Variants in SPTBN4 observed in about 807,000 individuals in gnomAD.
SPTBN4 encodes spectrin beta chain, non-erythrocytic 4.
SPTBN4 carries 96 observed loss-of-function variants against 277.8 expected under a neutral mutation model. The ratio of observed to expected loss-of-function variants is 0.35; its 90% confidence interval spans 0.29 to 0.41. SPTBN4 has a LOEUF of 0.41. Ranked by LOEUF, SPTBN4 falls within the 10% of genes least tolerant of loss-of-function variation. The probability of loss-of-function intolerance (pLI) is 1.00; values close to 1 mark genes in which losing one functional copy is unlikely to be tolerated. For missense variants in SPTBN4, 3,006 were observed against 3,595.7 expected (o/e 0.84, Z 4.19); for synonymous variants, 1,481 against 1,580.3 (o/e 0.94, Z 1.49).
At chr19:40,509,099 T>G (rs1414269924) in intron 13 of SPTBN4, among the ~76,000 whole-genome samples, 1 of 150,298 alleles carries the variant, frequency 6.7e-6, no homozygotes, top group Non-Finnish European at 1.5e-5. Context: ...TTTTTTTTTT[T>G]TTTTTAGACA....
In SPTBN4 at chr19:40,544,365, A is replaced by G. The variant is rs542412552; in HGVS notation, c.4360-4824A>G. Among the ~76,000 whole-genome samples the G allele has an allele frequency of 2.8e-5, 4 of 140,374 alleles. No homozygotes were observed. In the East Asian group the frequency reaches 6.2e-4, roughly 22 times the overall value. The allele number at this position is 140,374 out of a possible 152,430, so 92.1% of individuals were successfully genotyped here. On this transcript the variant is annotated intron_variant, in intron 20 of 35. Transcript: ENST00000598249. Reference sequence around the variant, plus strand: ...CACCATGTTGGCCAGCATGGTGTCTATCTCTTGACCTCGTGATCCGCCCGC... The same window carrying G: ...CACCATGTTGGCCAGCATGGTGTCTGTCTCTTGACCTCGTGATCCGCCCGC...
intron 26 of SPTBN4, among the ~76,000 whole-genome samples, chr19:40,558,208 A>C (rs1367654368): frequency 1.3e-5 from 2 of 151,204 alleles, no homozygotes; most frequent in Non-Finnish European, 2.9e-5. Flanking sequence ...AAATACAAAA[A>C]TTAGCAGGAA....
chr19:40,554,611 G>T lies in SPTBN4; in HGVS notation c.5049G>T (p.Gln1683His). Residue 1683 changes from glutamine (Q) to histidine (H), a missense_variant, in exon 24 of 36, where the codon CAG becomes CAT. Around this residue, in one of 5 missense-constraint regions of SPTBN4, gnomAD observed 425 missense variants for 594.7 expected, o/e 0.71. Coordinates refer to ENST00000598249, the MANE Select transcript of SPTBN4 (RefSeq NM_020971.3). This position sits in a 1 kb window ranked among gnomAD's most constrained non-coding sequence, Gnocchi z 5.7. The stretch of plus-strand genomic sequence containing the variant: ...AAAGCATCGCGCAGCTGTCGCGCCA[G>T]TGCCGGGCGCTGCTGGAGATGGGGC... ...YEESIAQLSR[Q>H]CRALLEMGHP... The T allele has an allele frequency of 6.4e-7, 1 of 1,573,956 alleles. No homozygotes were observed. The highest frequency in any genetic ancestry group is 8.6e-7 in the Non-Finnish European group (1 of 1,159,746).
intron 20 of SPTBN4, among the ~76,000 whole-genome samples, chr19:40,548,489 T>C (rs1483788273): frequency 6.6e-6 from 1 of 151,036 alleles, no homozygotes; most frequent in African/African-American, 2.4e-5. Context: ...CCAGGCTGAT[T>C]TGTTCATCCT....
intron 27 of SPTBN4, among the ~76,000 whole-genome samples, chr19:40,562,759 A>G (rs1029576482): frequency 9.9e-5 from 15 of 150,800 alleles, no homozygotes; most frequent in Non-Finnish European, 2.1e-4. Flanking sequence ...GCTTGAACCC[A>G]GGAGGCGGAG....
At chr19:40,567,604 C>A (rs1233660825) in intron 30 of SPTBN4, 59 bp from the exon 31 acceptor site, 66 of 1,066,514 alleles carry the variant, frequency 6.2e-5, no homozygotes, top group Non-Finnish European at 7.5e-5. Flanking sequence ...CCCCGGACCT[C>A]CCCCTTACCC....
rs1411115333 is a variant in SPTBN4, at chr19:40,512,823, A to G, written c.2034A>G (p.Ala678=). Residue 678 remains alanine, a synonymous_variant, in exon 14 of 36, where the codon GCA becomes GCG. Coordinates refer to ENST00000598249, the MANE Select transcript of SPTBN4 (RefSeq NM_020971.3). ...CGGGCGGCGGCGGTGCGGCGGGCGC[A>G]GCGGGCGCAGCGGGAACAGCGGGCG... The part of the protein sequence containing the change: ...EAAGGGGAAG[A]AGAAGTAGGA... 16 of 1,446,316 alleles carry G rather than the reference A, an allele frequency of 1.1e-5. No individual in the cohort carries two copies. Among genetic ancestry groups the G allele is most frequent in the Admixed American group, 2.9e-5 (1 of 34,610 alleles). 89.6% of individuals were successfully genotyped at this position (1,446,316 alleles called of 1,614,324 possible). A position where few individuals can be genotyped will look rare whatever the true frequency, so the allele number is the denominator to read the frequency against.
chr19:40,568,293 C>T lies in SPTBN4; in HGVS notation c.6956+11C>T. 6.3e-7 allele frequency: 1 copy of T among 1,591,390 alleles called. No homozygotes were observed. Reference sequence around the variant, plus strand: ...AGACCTGGTCAAGGGGTGAGGTGCCCGCCTTATGACCAGAAAGTGAGGGGA... The same window carrying T: ...AGACCTGGTCAAGGGGTGAGGTGCCTGCCTTATGACCAGAAAGTGAGGGGA... On this transcript the variant is annotated intron_variant, in intron 31 of 35. Transcript: ENST00000598249.
chr19:40,530,574 C>A, intron 18 of SPTBN4: 1 of 980,714 alleles, frequency 1.0e-6, no homozygotes, highest in Non-Finnish European at 1.2e-6. Context: ...GCCCCGCCAA[C>A]GCCACTGCCG....
At chr19:40,506,814 C>A (rs1214843042) in intron 13 of SPTBN4, among the ~76,000 whole-genome samples, 1 of 151,792 alleles carries the variant, frequency 6.6e-6, no homozygotes, top group Non-Finnish European at 1.5e-5. Context: ...ATCATCTGTA[C>A]CAAAATAAAT....
chr19:40,530,602 G>A (rs1232024002), intron 18 of SPTBN4: 13 of 977,740 alleles, frequency 1.3e-5, no homozygotes, highest in Admixed American at 6.3e-5. Flanking sequence ...TCTCGGGGGC[G>A]CCCAGGGGAG....
At chr19:40,561,682 C>T (rs1227367876) in intron 27 of SPTBN4, among the ~76,000 whole-genome samples, 1 of 151,896 alleles carries the variant, frequency 6.6e-6, no homozygotes, top group Admixed American at 6.6e-5. Flanking sequence ...ATTAGCCAGG[C>T]ATAGTGGTGG....
intron 22 of SPTBN4, among the ~76,000 whole-genome samples, chr19:40,553,338 A>C (rs1274010566): frequency 6.6e-6 from 1 of 152,078 alleles, no homozygotes; most frequent in African/African-American, 2.4e-5. Flanking sequence ...TTAAAATAGC[A>C]GGGCATGGTG....
At position 40,567,865 on chromosome 19, in the gene SPTBN4, G is replaced by C; in HGVS notation, c.6539G>C (p.Arg2180Pro). Reference protein sequence around the residue: ...AEVRTRVGYVRQELKPERLQP... With the variant: ...AEVRTRVGYVPQELKPERLQP... Reference sequence around the variant, plus strand: ...GTGCGGACTCGGGTGGGGTATGTGCGCCAGGAGCTCAAGCCCGAGCGCCTC... The same window carrying C: ...GTGCGGACTCGGGTGGGGTATGTGCCCCAGGAGCTCAAGCCCGAGCGCCTC... Residue 2180 changes from arginine (R) to proline (P), a missense_variant, in exon 31 of 36, where the codon CGC (arginine) becomes CCC (proline). By Grantham distance (103) the Arg-to-Pro change is moderately radical. This residue lies in a region of SPTBN4 where 630 missense variants were observed against 677.6 expected (regional missense o/e 0.93). Transcript: ENST00000598249. 6.6e-7 allele frequency: 1 copy of C among 1,525,694 alleles called. No individual in the cohort carries two copies. Among genetic ancestry groups the C allele is most frequent in the South Asian group, 1.2e-5 (1 of 82,154 alleles). The allele number at this position is 1,525,694 out of a possible 1,614,324, so 94.5% of individuals were successfully genotyped here.
rs754267339 is a variant in SPTBN4 at position 40,504,144 on chromosome 19, G to C, written c.1665+12G>C. On this transcript the variant is annotated intron_variant, in intron 12 of 35. Transcript: ENST00000598249. The stretch of plus-strand genomic sequence containing the variant: ...TGGAGGAGATGCAGGTGCCGGCGGG[G>C]GGGCGGGGATGCGGGTGGAGTGCCA... 8.9e-6 allele frequency: 11 copies of C among 1,240,956 alleles called. No homozygotes were observed. The Admixed American group carries it at 1.1e-4, about 12-fold the overall frequency. 76.9% of individuals were successfully genotyped at this position (1,240,956 alleles called of 1,614,324 possible). A position where few individuals can be genotyped will look rare whatever the true frequency, so the allele number is the denominator to read the frequency against.
intron 20 of SPTBN4, among the ~76,000 whole-genome samples, chr19:40,538,982 C>G (rs932616309): frequency 6.6e-6 from 1 of 152,170 alleles, no homozygotes; most frequent in African/African-American, 2.4e-5. Context: ...CACATGGAAG[C>G]CAGAGGACAG....
Position 40,575,603 on chromosome 19 carries a change from C to G in SPTBN4, c.*34C>G. On this transcript the variant is annotated 3_prime_UTR_variant, in exon 36 of 36. Coordinates refer to ENST00000598249, the MANE Select transcript of SPTBN4 (RefSeq NM_020971.3). ...CCCCAGGACCTGACACATCTCGTCT[C>G]CCCTCTTTTCCGCACTGTGGGCACA... 2 of 1,585,788 alleles carry G rather than the reference C, an allele frequency of 1.3e-6. No individual in the cohort carries two copies. The highest frequency in any genetic ancestry group is 1.3e-5 in the African/African-American group (1 of 74,560).
chr19:40,539,729 C>T (rs1013966295), intron 20 of SPTBN4, among the ~76,000 whole-genome samples: 11 of 151,760 alleles, frequency 7.2e-5, no homozygotes, highest in Non-Finnish European at 1.3e-4. Context: ...ATCCACCCAC[C>T]TCCGCCTCCC....
At chr19:40,558,050 G>C (rs1015968212) in intron 26 of SPTBN4, among the ~76,000 whole-genome samples, 1 of 152,018 alleles carries the variant, frequency 6.6e-6, no homozygotes, top group Non-Finnish European at 1.5e-5. Context: ...TTTGGCTGTG[G>C]TGTAGATAGA....
Sources: allele counts gnomAD v4.1 joint callset (sites outside exome capture counted in the v4.1 genomes callset), GRCh38; gene constraint gnomAD v4.1.1; regional missense constraint gnomAD v4.1.1; non-coding constraint Gnocchi (gnomAD v3.1); transcripts MANE v1.5; gene names NCBI Gene and HGNC (gene_info 2026-07-23, HGNC 2026-07-21).